The following NAXD variants were observed in gnomAD, a reference collection of about 807,000 sequenced individuals.
The protein encoded by NAXD is NAD(P)HX dehydratase, also known as ATP-dependent (S)-NAD(P)H-hydrate dehydratase.
In NAXD, 22 loss-of-function variants were observed where a neutral mutation model predicts 35.8. The ratio of observed to expected loss-of-function variants is 0.62; its 90% confidence interval spans 0.44 to 0.88. NAXD has a LOEUF of 0.88. Among genes scored for constraint, NAXD ranks in the 40% least tolerant of loss-of-function variants. The pLI, the probability that NAXD is intolerant of heterozygous loss-of-function variation, is 0.00. For synonymous variants in NAXD, 189 were observed against 177.6 expected, an observed-to-expected ratio of 1.06 and a Z score of -0.51; for missense variants, 428 against 437.7, an observed-to-expected ratio of 0.98 and a Z score of 0.20.
intron 3 of NAXD, among the ~76,000 whole-genome samples, chr13:110,624,501 C>T (rs1406584283): frequency 2.6e-5 from 4 of 152,150 alleles, no homozygotes; most frequent in Non-Finnish European, 4.4e-5. Context: ...TCTTTTTGCC[C>T]AGGCTGGAGT....
chr13:110,632,924 ACT>A (rs1487848055), intron 5 of NAXD, among the ~76,000 whole-genome samples: 2 of 151,758 alleles, frequency 1.3e-5, no homozygotes, highest in Middle Eastern at 3.4e-3. Flanking sequence ...AGATATAAAG[ACT>A]CTCCACATCC....
intron 8 of NAXD, among the ~76,000 whole-genome samples, chr13:110,635,860 C>T (rs970247937): frequency 2.0e-5 from 3 of 152,276 alleles, no homozygotes; most frequent in Admixed American, 1.3e-4. Context: ...TTATGAGAAG[C>T]AGTCTGGCGG....
At chr13:110,623,457 G>T (rs1446509496) in intron 2 of NAXD, among the ~76,000 whole-genome samples, 2 of 152,158 alleles carry the variant, frequency 1.3e-5, no homozygotes, top group Non-Finnish European at 2.9e-5. Flanking sequence ...CTGGGTGGTG[G>T]GTGCCGTTTC....
intron 3 of NAXD, 123 bp downstream of exon 3, chr13:110,624,402 AT>A (rs1886382705): frequency 1.5e-6 from 1 of 672,992 alleles, no homozygotes; most frequent in African/African-American, 1.8e-5. Context: ...ATCATAGCTA[AT>A]AGAAACACCG....
At chr13:110,633,028 C>T (rs879726553) in intron 5 of NAXD, among the ~76,000 whole-genome samples, 3 of 152,312 alleles carry the variant, frequency 2.0e-5, no homozygotes, top group East Asian at 1.9e-4. Flanking sequence ...GCCGTGCGTT[C>T]GCATTCCTCA....
intron 1 of NAXD, chr13:110,616,418 G>GGT (rs143598501): frequency 2.6e-5 from 4 of 152,644 alleles, no homozygotes; most frequent in South Asian, 2.1e-4. Flanking sequence ...CCCGGTTCGG[G>GGT]GTGTGTGTGT....
At chr13:110,627,240 C>T (rs1187202743) in intron 4 of NAXD, among the ~76,000 whole-genome samples, 199 bp from the exon 5 acceptor site, 1 of 152,150 alleles carries the variant, frequency 6.6e-6, no homozygotes, top group Non-Finnish European at 1.5e-5. Flanking sequence ...GTGTGTGAGG[C>T]GTTAACCTCG....
In NAXD at chr13:110,637,145, G is replaced by A; in HGVS notation, c.735G>A (p.Gln245=). The change falls in exon 9 of 10, where the codon CAG becomes CAA. Residue 245 remains glutamine (Q), a synonymous_variant. Transcript: ENST00000680254. The stretch of plus-strand genomic sequence containing the variant: ...CCTGTGCAGTGCTTGTGTGCAGCCA[G>A]GAAGGCAGCAGCCGCAGGTGTGGAG... ...SNGQQVLVCS[Q]EGSSRRCGGQ... is the part of the protein sequence containing the mutation. 6.2e-7 allele frequency: 1 copy of A among 1,613,588 alleles called. No homozygotes were observed. Among genetic ancestry groups the A allele is most frequent in the Non-Finnish European group, 8.5e-7 (1 of 1,179,856 alleles).
At chr13:110,616,615 C>T (rs946696516) in intron 1 of NAXD, among the ~76,000 whole-genome samples, 13 of 152,206 alleles carry the variant, frequency 8.5e-5, no homozygotes, top group South Asian at 2.1e-4. Context: ...CTTGGAGCCC[C>T]ATCTCTTCAT....
intron 5 of NAXD, 37 bp downstream of exon 5, chr13:110,627,584 C>A: frequency 6.9e-7 from 1 of 1,439,454 alleles, no homozygotes; most frequent in Non-Finnish European, 9.8e-7. Context: ...TCATGACAGG[C>A]TTAGCCTTAG....
Position 110,625,172 on chromosome 13 carries a change from C to T in NAXD, c.244-18C>T, listed in dbSNP as rs1886417958. 1.2e-6 allele frequency: 2 copies of T among 1,607,312 alleles called. No individual in the cohort carries two copies. The highest frequency in any genetic ancestry group is 1.3e-5 in the African/African-American group (1 of 74,922). ...GCCGGAGCGATCCCTGAGTCGGCCTCTTGTGCTCCTTCATCAGGGCGCAGA... is the reference window on the plus strand; with the variant it reads ...GCCGGAGCGATCCCTGAGTCGGCCTTTTGTGCTCCTTCATCAGGGCGCAGA... On this transcript the variant is annotated intron_variant, in intron 3 of 9. Transcript: ENST00000680254.
At chr13:110,618,272 CTT>C (rs1886132974) in intron 1 of NAXD, among the ~76,000 whole-genome samples, 1 of 91,276 alleles carries the variant, frequency 1.1e-5, no homozygotes, top group African/African-American at 7.6e-5. Context: ...CTGGATGGCG[CTT>C]CTTGTTCTCC....
chr13:110,620,589 A>AG (rs1157839170), intron 1 of NAXD, among the ~76,000 whole-genome samples: 1 of 151,972 alleles, frequency 6.6e-6, no homozygotes, highest in African/African-American at 2.4e-5. Flanking sequence ...AAAAAAAAAA[A>AG]AAAAAAAGAA....
intron 1 of NAXD, among the ~76,000 whole-genome samples, chr13:110,620,578 CA>C (rs34370844): frequency 0.071 from 6,016 of 84,852 alleles, 268 homozygotes; most frequent in African/African-American, 0.18. Flanking sequence ...GACTCTGTCT[CA>C]AAAAAAAAAA....
intron 4 of NAXD, 103 bp downstream of exon 4, chr13:110,625,381 C>T (rs1342903452): frequency 1.2e-5 from 9 of 755,356 alleles, no homozygotes; most frequent in Non-Finnish European, 1.4e-5. Flanking sequence ...TTTCCATCCT[C>T]AGAGTTTCTC....
Position 110,636,486 on chromosome 13 carries a change from CCA to C in NAXD, c.719-636_719-635del, listed in dbSNP as rs754768183. 6.8e-4 allele frequency among the ~76,000 whole-genome samples: 103 copies of C among 152,332 alleles called. 1 individual carries two copies. The highest frequency in any genetic ancestry group is 3.4e-3 in the Middle Eastern group (1 of 294). On this transcript the variant is annotated intron_variant, in intron 8 of 9. Coordinates refer to ENST00000680254, the MANE Select transcript of NAXD (RefSeq NM_001242882.2). ...CTCGCACACGCCCTCGCACACTCAT[CCA>C]CACACAGCTGTGCACAAGGAACACA...
At chr13:110,629,573 G>C (rs1466806555) in intron 5 of NAXD, among the ~76,000 whole-genome samples, 1 of 152,044 alleles carries the variant, frequency 6.6e-6, no homozygotes, top group Non-Finnish European at 1.5e-5. Flanking sequence ...TGCAACGTGT[G>C]CTATTTAGTG....
intron 1 of NAXD, among the ~76,000 whole-genome samples, chr13:110,619,565 T>A (rs1302804925): frequency 6.6e-6 from 1 of 152,226 alleles, no homozygotes; most frequent in Non-Finnish European, 1.5e-5. Context: ...TTTGAAGTAC[T>A]GGTATATTTA....
rs199637796 is a variant in NAXD, at chr13:110,637,190, G to C, written c.780G>C (p.Ser260=). ...RRCGGQGDLL[S]GSLGVLVHWA... is the part of the protein sequence containing the mutation. ...GTGGAGGGCAAGGGGACCTCCTGTC[G>C]GGCTCCCTGGGCGTCCTGGTACACT... Residue 260 remains serine (S), a synonymous_variant, in exon 9 of 10, where the codon TCG becomes TCC. Transcript: ENST00000680254. 2 of 1,613,902 alleles carry C rather than the reference G, an allele frequency of 1.2e-6. No homozygotes were observed. The highest frequency in any genetic ancestry group is 2.7e-5 in the African/African-American group (2 of 74,944).
Sources: allele counts gnomAD v4.1 joint callset (sites outside exome capture counted in the v4.1 genomes callset), GRCh38; gene constraint gnomAD v4.1.1; transcripts MANE v1.5; gene names NCBI Gene and HGNC (gene_info 2026-07-23, HGNC 2026-07-21).